The following NFATC2 variants were observed in gnomAD, a reference collection of about 807,000 sequenced individuals.
NFATC2 encodes nuclear factor of activated T cells 2.
NFATC2 carries 22 observed loss-of-function variants against 87.3 expected under a neutral mutation model. That is an observed-to-expected ratio of 0.25 (90% CI 0.18 to 0.36). NFATC2 has a LOEUF of 0.36. Among genes scored for constraint, NFATC2 ranks in the 10% least tolerant of loss-of-function variants. The pLI is 1.00. For missense variants in NFATC2, 1,149 were observed against 1,259.1 expected, an observed-to-expected ratio of 0.91 and a Z score of 1.32; for synonymous variants, 565 against 542.2, an observed-to-expected ratio of 1.04 and a Z score of -0.58.
chr20:51,389,429 G>T lies in NFATC2; in HGVS notation c.*2067C>A, dbSNP rs140820590. On this transcript the variant is annotated 3_prime_UTR_variant, in exon 11 of 11. Transcript: ENST00000371564. ...ACCACACACTCTTGGCTTTTCCCCAGTGAAGTCAATATTGCTGGAGAGAAA... is the reference window on the plus strand; with the variant it reads ...ACCACACACTCTTGGCTTTTCCCCATTGAAGTCAATATTGCTGGAGAGAAA... The T allele has an allele frequency of 6.6e-6, 1 of 152,316 alleles. No individual in the cohort carries two copies. Among genetic ancestry groups the T allele is most frequent in the East Asian group, 1.9e-4 (1 of 5,192 alleles). 9.4% of individuals were successfully genotyped at this position (152,316 alleles called of 1,614,324 possible).
chr20:51,445,694 CCTG>C lies in NFATC2; in HGVS notation c.1849+8851_1849+8853del, dbSNP rs1336434042. Among the ~76,000 whole-genome samples, 3 of 152,200 alleles carry C rather than the reference CCTG, an allele frequency of 2.0e-5. No individual in the cohort carries two copies. The East Asian group carries it at 5.8e-4, about 29-fold the overall frequency. ...TAGCATTTTCCCCATCTGAAAGTGTCCTGCTTATAAACAAGTTTCAGACTGTCC... is the reference window on the plus strand; with the variant it reads ...TAGCATTTTCCCCATCTGAAAGTGTCCTTATAAACAAGTTTCAGACTGTCC... On this transcript the variant is annotated intron_variant, in intron 6 of 10. Coordinates refer to ENST00000371564, the MANE Select transcript of NFATC2 (RefSeq NM_012340.5).
Position 51,473,989 on chromosome 20 carries a change from T to C in NFATC2, c.1699A>G (p.Ile567Val), listed in dbSNP as rs1988479540. 1 of 1,613,540 alleles carries C rather than the reference T, an allele frequency of 6.2e-7. No individual in the cohort carries two copies. Among genetic ancestry groups the C allele is most frequent in the Non-Finnish European group, 8.5e-7 (1 of 1,179,602 alleles). The change falls in exon 5 of 11, where the codon ATC (isoleucine) becomes GTC (valine). Residue 567 changes from isoleucine to valine, a missense_variant. Physicochemically the swap from Ile to Val is conservative, Grantham distance 29 (BLOSUM62 3). Around this residue, in one of 3 missense-constraint regions of NFATC2, gnomAD observed 581 missense variants for 649.7 expected, o/e 0.89. Transcript: ENST00000371564. ...IVSLQTASNP[I>V]ECSQRSAHEL... Reference sequence around the variant, plus strand: ...CCAGGGCCCAACTTACAGCACTCGATGGGGTTAGATGCAGTCTGTAAAGAG... The same window carrying C: ...CCAGGGCCCAACTTACAGCACTCGACGGGGTTAGATGCAGTCTGTAAAGAG...
Position 51,461,531 on chromosome 20 carries a change from G to C in NFATC2, c.1709-6843C>G, listed in dbSNP as rs553572059. Among the ~76,000 whole-genome samples, 379 of 152,304 alleles carry C rather than the reference G, an allele frequency of 2.5e-3. 2 individuals are homozygous for C. Among genetic ancestry groups the C allele is most frequent in the Non-Finnish European group, 3.0e-3 (205 of 68,028 alleles). On this transcript the variant is annotated intron_variant, in intron 5 of 10. Coordinates refer to ENST00000371564, the MANE Select transcript of NFATC2 (RefSeq NM_012340.5). ...TTGGGGGGGCTCTTGTATTTTATGA[G>C]CTCTGAATCAACAGGACGCTGTTGG...
At chr20:51,400,681 C>G (rs1276622381) in intron 9 of NFATC2, among the ~76,000 whole-genome samples, 1 of 152,196 alleles carries the variant, frequency 6.6e-6, no homozygotes, top group African/African-American at 2.4e-5. Context: ...GGCCCGAAAT[C>G]AACTCGGGAC....
chr20:51,491,871 T>TAC lies in NFATC2; in HGVS notation c.1333-16213_1333-16212dup, dbSNP rs1472795857. On this transcript the variant is annotated intron_variant, in intron 3 of 10. Coordinates refer to ENST00000371564, the MANE Select transcript of NFATC2 (RefSeq NM_012340.5). ...AGCCCCACCCCCACCAACACACACA[T>TAC]ACACATACACACACACACACACACA... 2.1e-3 allele frequency among the ~76,000 whole-genome samples: 179 copies of TAC among 86,326 alleles called. 1 individual carries two copies. Among genetic ancestry groups the TAC allele is most frequent in the Non-Finnish European group, 2.9e-3 (118 of 40,536 alleles). 56.6% of individuals were successfully genotyped at this position (86,326 alleles called of 152,430 possible). A position where few individuals can be genotyped will look rare whatever the true frequency, so the allele number is the denominator to read the frequency against.
At chr20:51,437,156 T>C (rs1226286144) in intron 6 of NFATC2, among the ~76,000 whole-genome samples, 1 of 151,982 alleles carries the variant, frequency 6.6e-6, no homozygotes, top group Non-Finnish European at 1.5e-5. Flanking sequence ...ATAATTGATT[T>C]CTCTTGCTGA....
chr20:51,412,461 G>T (rs1043757301), intron 9 of NFATC2, among the ~76,000 whole-genome samples: 10 of 152,354 alleles, frequency 6.6e-5, no homozygotes, highest in African/African-American at 2.4e-4. Flanking sequence ...GTGGGCAGGA[G>T]CAGGGAGTTC....
chr20:51,469,996 G>A (rs1014831802), intron 5 of NFATC2, among the ~76,000 whole-genome samples: 4 of 152,244 alleles, frequency 2.6e-5, no homozygotes, highest in African/African-American at 9.6e-5. Flanking sequence ...TGCAGGGAAA[G>A]TGGAGTTGAA....
intron 6 of NFATC2, among the ~76,000 whole-genome samples, chr20:51,442,273 A>C (rs1361367552): frequency 6.6e-6 from 1 of 152,138 alleles, no homozygotes; most frequent in Non-Finnish European, 1.5e-5. Context: ...CTCTACTAAA[A>C]ATACAAAAAT....
Position 51,523,861 on chromosome 20 carries a change from G to A in NFATC2, c.380C>T (p.Pro127Leu), listed in dbSNP as rs2076496666. The change falls in exon 2 of 11, where the codon CCC becomes CTC. Residue 127 changes from proline (P) to leucine (L), a missense_variant. Pro to Leu is a moderately conservative substitution (Grantham distance 98). This residue lies in a region of NFATC2 where 563 missense variants were observed against 585.2 expected (regional missense o/e 0.96). Transcript: ENST00000371564. This position sits in a 1 kb window ranked among gnomAD's most constrained non-coding sequence, Gnocchi z 6.9. The stretch of plus-strand genomic sequence containing the variant: ...GAGGCCCGCGTCTCTCATGCGGAGG[G>A]GCCCCACTGCCTGGATCAGTTCGTG... ...PSHELIQAVGPLRMRDAGLLV... is the reference protein window; with the variant it reads ...PSHELIQAVGLLRMRDAGLLV... 6.2e-7 allele frequency: 1 copy of A among 1,609,850 alleles called. No individual in the cohort carries two copies. Among genetic ancestry groups the A allele is most frequent in the Non-Finnish European group, 8.5e-7 (1 of 1,178,042 alleles).
intron 6 of NFATC2, among the ~76,000 whole-genome samples, chr20:51,444,658 C>T (rs1984814410): frequency 6.6e-6 from 1 of 152,136 alleles, no homozygotes; most frequent in Admixed American, 6.5e-5. Flanking sequence ...AGTGTCAGCT[C>T]GTGTTAGGAA....
chr20:51,469,364 G>C (rs904025613), intron 5 of NFATC2, among the ~76,000 whole-genome samples: 1 of 152,170 alleles, frequency 6.6e-6, no homozygotes, highest in African/African-American at 2.4e-5. Context: ...CTAACATACA[G>C]TCAAGTTTGA....
intron 6 of NFATC2, among the ~76,000 whole-genome samples, chr20:51,441,652 G>C (rs1436475644): frequency 2.8e-5 from 4 of 145,034 alleles, no homozygotes; most frequent in African/African-American, 7.6e-5. Context: ...GGGAGGCGGA[G>C]GTTGCAGTGA....
At chr20:51,539,127 C>T (rs565518855) in intron 1 of NFATC2, among the ~76,000 whole-genome samples, 25 of 152,294 alleles carry the variant, frequency 1.6e-4, no homozygotes, top group Non-Finnish European at 2.5e-4. Flanking sequence ...GGCTAATGAA[C>T]GTCTGCTACA....
chr20:51,520,902 G>T (rs1048598749), intron 2 of NFATC2, among the ~76,000 whole-genome samples: 7 of 151,710 alleles, frequency 4.6e-5, no homozygotes, highest in East Asian at 1.9e-4. Context: ...CAGGTGATCC[G>T]CCCGCCTCTG....
rs74996621 is a variant in NFATC2, at chr20:51,512,640, T to G, written c.1332+4144A>C. 1.3e-4 allele frequency among the ~76,000 whole-genome samples: 20 copies of G among 152,340 alleles called. No homozygotes were observed. In the East Asian group the frequency reaches 3.7e-3, roughly 28 times the overall value. ...ATGGCATATGTTTAAGATTTTTAAT[T>G]GTACACTTAAGGATAAAAAATGAAA... On this transcript the variant is annotated intron_variant, in intron 3 of 10. Transcript: ENST00000371564.
chr20:51,496,524 CTCCT>C (rs2075991724), intron 3 of NFATC2, among the ~76,000 whole-genome samples: 1 of 152,008 alleles, frequency 6.6e-6, no homozygotes, highest in African/African-American at 2.4e-5. Context: ...TCACTACCTT[CTCCT>C]TCTTTTATAG....
At chr20:51,407,254 G>A (rs548647914) in intron 9 of NFATC2, among the ~76,000 whole-genome samples, 9 of 152,044 alleles carry the variant, frequency 5.9e-5, no homozygotes, top group African/African-American at 1.2e-4. Context: ...GCAGGCCTCC[G>A]TGCCACCCCA....
In NFATC2 at chr20:51,413,327, GAT is replaced by G. The variant is rs1600684060; in HGVS notation, c.2723-14599_2723-14598del. ...TTCCAAAGCCATCCTGCTGAGAAGA[GAT>G]AACAGCCTGATTCTAGGACCAGGAC... On this transcript the variant is annotated intron_variant, in intron 9 of 10. Coordinates refer to ENST00000371564, the MANE Select transcript of NFATC2 (RefSeq NM_012340.5). Among the ~76,000 whole-genome samples, 3 of 152,118 alleles carry G rather than the reference GAT, an allele frequency of 2.0e-5. No individual in the cohort carries two copies. In the East Asian group the frequency reaches 5.8e-4, roughly 29 times the overall value.
Sources: gnomAD v4.1 joint callset for allele counts (sites outside exome capture counted in the v4.1 genomes callset) on GRCh38, gnomAD v4.1.1 for gene constraint, gnomAD v4.1.1 regional missense constraint, Gnocchi (gnomAD v3.1) non-coding constraint, MANE v1.5 for transcripts, NCBI Gene and HGNC (gene_info 2026-07-23, HGNC 2026-07-21) for gene names.